The following CD2AP variants were observed in gnomAD, a reference collection of about 807,000 sequenced individuals.
The protein encoded by CD2AP is CD2-associated protein.
In CD2AP, 46 loss-of-function variants were observed where a neutral mutation model predicts 85.1. The observed-to-expected ratio is 0.54, with a 90% CI of 0.43 to 0.69. The LOEUF (loss-of-function observed/expected upper bound fraction) is 0.69, where lower values mean the gene tolerates loss of function less well. CD2AP is among the 30% of genes least tolerant of loss of function. CD2AP has a pLI of 0.00. For missense variants in CD2AP, 769 were observed against 729.5 expected, an observed-to-expected ratio of 1.05 and a Z score of -0.62; for synonymous variants, 255 against 252.9, an observed-to-expected ratio of 1.01 and a Z score of -0.08.
In CD2AP at chr6:47,554,692, T is replaced by C; in HGVS notation, c.467T>C (p.Leu156Pro). ...GGAACCCTGAATAACAAGTTGGGAC[T>C]GTTTCCCTCAAATTTTGTGAAAGAA... ...WSGTLNNKLG[L>P]FPSNFVKELE... Residue 156 changes from leucine to proline, a missense_variant, in exon 5 of 18, where the codon CTG becomes CCG. Physicochemically the swap from Leu to Pro is moderately conservative, Grantham distance 98 (BLOSUM62 -3). Transcript: ENST00000359314. 1.2e-6 allele frequency: 2 copies of C among 1,613,732 alleles called. No individual in the cohort carries two copies. The highest frequency in any genetic ancestry group is 1.7e-4 in the Middle Eastern group (1 of 6,058).
chr6:47,518,616 T>A (rs1034220233), intron 2 of CD2AP, among the ~76,000 whole-genome samples: 1 of 152,254 alleles, frequency 6.6e-6, no homozygotes, highest in African/African-American at 2.4e-5. Context: ...CAATGATATA[T>A]GCCTCTTTGT....
chr6:47,552,832 C>T (rs1767564574), intron 4 of CD2AP, among the ~76,000 whole-genome samples: 2 of 152,136 alleles, frequency 1.3e-5, no homozygotes, highest in Non-Finnish European at 2.9e-5. Flanking sequence ...TGCTTTACTG[C>T]CTTCCCTTTC....
chr6:47,622,412 G>T (rs1231680524), intron 17 of CD2AP, among the ~76,000 whole-genome samples: 1 of 150,712 alleles, frequency 6.6e-6, no homozygotes, highest in Non-Finnish European at 1.5e-5. Context: ...CCTTCTCCCT[G>T]TGGAGTTTTA....
intron 1 of CD2AP, among the ~76,000 whole-genome samples, chr6:47,499,792 G>A (rs956214628): frequency 2.6e-5 from 4 of 152,064 alleles, no homozygotes; most frequent in Non-Finnish European, 5.9e-5. Context: ...GCAGTGGCAC[G>A]ACCTCGGCTC....
At chr6:47,502,231 G>C (rs1193627226) in intron 1 of CD2AP, among the ~76,000 whole-genome samples, 1 of 152,156 alleles carries the variant, frequency 6.6e-6, no homozygotes, top group Non-Finnish European at 1.5e-5. Flanking sequence ...TCTTCAAAGC[G>C]AGCAAGGGAA....
rs114714168 is a variant in CD2AP at position 47,618,333 on chromosome 6, G to A, written c.1878+5797G>A. Among the ~76,000 whole-genome samples, 257 of 152,112 alleles carry A rather than the reference G, an allele frequency of 1.7e-3. 2 individuals are homozygous for A. The highest frequency in any genetic ancestry group is 6.0e-3 in the African/African-American group (251 of 41,528). On this transcript the variant is annotated intron_variant, in intron 17 of 17. Coordinates refer to ENST00000359314, the MANE Select transcript of CD2AP (RefSeq NM_012120.3). ...AGACTGTCTCAAAAAAAAACGAGTA[G>A]TCTTCCAAATTTGCAAGACTTGTAG...
chr6:47,539,692 T>C (rs1309404963), intron 3 of CD2AP, among the ~76,000 whole-genome samples: 2 of 152,174 alleles, frequency 1.3e-5, no homozygotes, highest in Non-Finnish European at 2.9e-5. Context: ...TAATGCTTTG[T>C]TGTGTGGGAG....
At chr6:47,535,757 C>T (rs970535727) in intron 3 of CD2AP, among the ~76,000 whole-genome samples, 5 of 152,170 alleles carry the variant, frequency 3.3e-5, no homozygotes, top group Non-Finnish European at 7.4e-5. Flanking sequence ...TATCATACAG[C>T]TGAACCTCTA....
intron 17 of CD2AP, among the ~76,000 whole-genome samples, chr6:47,614,768 A>G (rs1456259734): frequency 5.3e-5 from 8 of 152,218 alleles, no homozygotes; most frequent in African/African-American, 1.4e-4. Flanking sequence ...TACAATAAAA[A>G]GAGGTATCCC....
At chr6:47,532,596 A>G (rs191408135) in intron 2 of CD2AP, among the ~76,000 whole-genome samples, 159 of 151,856 alleles carry the variant, frequency 1.0e-3, no homozygotes, top group African/African-American at 3.7e-3. Context: ...TGGATTTCCT[A>G]TTTTGTTTCA....
chr6:47,580,508 C>T (rs1768446497), intron 9 of CD2AP, among the ~76,000 whole-genome samples: 1 of 151,850 alleles, frequency 6.6e-6, no homozygotes, highest in South Asian at 2.1e-4. Context: ...CAGTCTTCCT[C>T]TCCCCACAAC....
intron 2 of CD2AP, among the ~76,000 whole-genome samples, chr6:47,503,816 C>T (rs1766059899): frequency 6.6e-6 from 1 of 152,142 alleles, no homozygotes; most frequent in South Asian, 2.1e-4. Context: ...CAGATAGTAG[C>T]CCCATTTTAA....
chr6:47,517,159 A>T (rs1417236905), intron 2 of CD2AP, among the ~76,000 whole-genome samples: 1 of 152,060 alleles, frequency 6.6e-6, no homozygotes, highest in East Asian at 1.9e-4. Context: ...TCCTGCTCTC[A>T]CTATGTGATG....
intron 4 of CD2AP, among the ~76,000 whole-genome samples, chr6:47,554,327 A>G (rs1289291891): frequency 5.9e-5 from 9 of 152,226 alleles, no homozygotes; most frequent in African/African-American, 1.7e-4. Flanking sequence ...TCCAGAAGCT[A>G]TGTACTTCTT....
At chr6:47,559,798 T>C in intron 5 of CD2AP, among the ~76,000 whole-genome samples, 1 of 152,178 alleles carries the variant, frequency 6.6e-6, no homozygotes, top group East Asian at 1.9e-4. Context: ...AATTCTTGTA[T>C]GGAGCCTGCA....
At position 47,502,557 on chromosome 6, in the gene CD2AP, G is replaced by A. The variant is rs148298002; in HGVS notation, c.5-723G>A. 5.5e-3 allele frequency among the ~76,000 whole-genome samples: 823 copies of A among 150,062 alleles called. 10 individuals carry two copies. Among genetic ancestry groups the A allele is most frequent in the African/African-American group, 0.019 (787 of 40,606 alleles). On this transcript the variant is annotated intron_variant, in intron 1 of 17. Coordinates refer to ENST00000359314, the MANE Select transcript of CD2AP (RefSeq NM_012120.3). ...TTGCCAGCCTGGAGTGCAGTAGCAC[G>A]TTCTTGGCTCACTGCAACCTCTGCC... is the stretch of plus-strand genomic sequence containing the variant.
rs555823993 is a variant in CD2AP, at chr6:47,525,508, A to G, written c.166-8094A>G. Among the ~76,000 whole-genome samples, 10 of 152,236 alleles carry G rather than the reference A, an allele frequency of 6.6e-5. No homozygotes were observed. In the East Asian group the frequency reaches 1.9e-3, roughly 29 times the overall value. Reference sequence around the variant, plus strand: ...GCGACCTTTGAGTCTATGGAATACAAGTAAATTGCTTTCTATTTTCAAATC... The same window carrying G: ...GCGACCTTTGAGTCTATGGAATACAGGTAAATTGCTTTCTATTTTCAAATC... On this transcript the variant is annotated intron_variant, in intron 2 of 17. Coordinates refer to ENST00000359314, the MANE Select transcript of CD2AP (RefSeq NM_012120.3).
intron 5 of CD2AP, among the ~76,000 whole-genome samples, chr6:47,560,569 C>CT (rs763283524): frequency 8.8e-4 from 134 of 151,806 alleles, no homozygotes; most frequent in Non-Finnish European, 1.6e-3. Flanking sequence ...GTTTGTTTGT[C>CT]TTTTTCCCCC....
chr6:47,559,378 C>T (rs1324241593), intron 5 of CD2AP, among the ~76,000 whole-genome samples: 2 of 151,724 alleles, frequency 1.3e-5, no homozygotes, highest in Non-Finnish European at 2.9e-5. Context: ...TCTGCCTCAG[C>T]CTGCCAAGTA....
Sources: allele counts gnomAD v4.1 joint callset (sites outside exome capture counted in the v4.1 genomes callset), GRCh38; gene constraint gnomAD v4.1.1; transcripts MANE v1.5; gene names NCBI Gene and HGNC (gene_info 2026-07-23, HGNC 2026-07-21).